PML: variants seen among roughly 807,000 people sequenced by gnomAD.
The protein encoded by PML is protein PML.
In PML, 28 loss-of-function variants were observed where a neutral mutation model predicts 65.2. The ratio of observed to expected loss-of-function variants is 0.43; its 90% CI spans 0.32 to 0.59. PML has a LOEUF of 0.59. Ranked by LOEUF, PML falls within the 20% of genes least tolerant of loss-of-function variation. PML has a pLI of 0.08. For synonymous variants in PML, 500 were observed against 508.8 expected (o/e 0.98, Z 0.23); for missense variants, 1,021 against 1,203.4 (o/e 0.85, Z 2.24).
In PML at chr15:74,023,209, G is replaced by T; in HGVS notation, c.984G>T (p.Thr328=). 2 of 1,608,988 alleles carry T rather than the reference G, an allele frequency of 1.2e-6. No homozygotes were observed. The part of the protein sequence containing the change: ...RLDAVLQRIR[T]GSALVQRMKC... ...ATGCTGTGCTGCAGCGCATCCGCACGGGCAGCGCGCTGGTGCAGAGGATGA... is the reference window on the plus strand; with the variant it reads ...ATGCTGTGCTGCAGCGCATCCGCACTGGCAGCGCGCTGGTGCAGAGGATGA... Residue 328 remains threonine, a synonymous_variant, in exon 3 of 9, where the codon ACG becomes ACT. Coordinates refer to ENST00000268058, the MANE Select transcript of PML (RefSeq NM_033238.3).
At position 74,045,122 on chromosome 15, in the gene PML, A is replaced by G. The variant is rs1382165514; in HGVS notation, c.*114A>G. On this transcript the variant is annotated 3_prime_UTR_variant, in exon 9 of 9. Coordinates refer to ENST00000268058, the MANE Select transcript of PML (RefSeq NM_033238.3). Reference sequence around the variant, plus strand: ...TCCTGGTACCCAGCCCTCAGTTGTCATTTGGTTCAGAATCAGTTCCCTTTC... The same window carrying G: ...TCCTGGTACCCAGCCCTCAGTTGTCGTTTGGTTCAGAATCAGTTCCCTTTC... The G allele has an allele frequency of 1.5e-5, 15 of 972,048 alleles. No individual in the cohort carries two copies. Among genetic ancestry groups the G allele is most frequent in the Non-Finnish European group, 2.2e-5 (15 of 668,666 alleles). The allele number at this position is 972,048 out of a possible 1,614,324, so 60.2% of individuals were successfully genotyped here.
At chr15:74,013,576 G>A (rs1053177675) in intron 2 of PML, among the ~76,000 whole-genome samples, 1 of 152,142 alleles carries the variant, frequency 6.6e-6, no homozygotes, top group African/African-American at 2.4e-5. Flanking sequence ...ATTTGGTTAT[G>A]TTCTGCCAAA....
chr15:73,998,355 C>A lies in PML; in HGVS notation c.481C>A (p.His161Asn). The A allele has an allele frequency of 6.2e-7, 1 of 1,614,220 alleles. No homozygotes were observed. Among genetic ancestry groups the A allele is most frequent in the Non-Finnish European group, 8.5e-7 (1 of 1,180,048 alleles). ...CFEAHQWFLK[H>N]EARPLAELRN... The stretch of plus-strand genomic sequence containing the variant: ...CGAGGCACACCAGTGGTTCCTCAAG[C>A]ACGAGGCCCGGCCCCTAGCAGAGCT... Residue 161 changes from histidine to asparagine, a missense_variant, in exon 2 of 9, where the codon CAC becomes AAC. By Grantham distance (68) the His-to-Asn change is moderately conservative. Coordinates refer to ENST00000268058, the MANE Select transcript of PML (RefSeq NM_033238.3).
Position 74,043,656 on chromosome 15 carries a change from A to C in PML, c.1861+517A>C. 1 of 507,136 alleles carries C rather than the reference A, an allele frequency of 2.0e-6. No homozygotes were observed. The highest frequency in any genetic ancestry group is 3.9e-6 in the Non-Finnish European group (1 of 259,102). The allele number at this position is 507,136 out of a possible 1,614,324, so 31.4% of individuals were successfully genotyped here. On this transcript the variant is annotated intron_variant, in intron 8 of 8. Coordinates refer to ENST00000268058, the MANE Select transcript of PML (RefSeq NM_033238.3). This position sits in a 1 kb window ranked among gnomAD's most constrained non-coding sequence, Gnocchi z 4.3. ...CTGCAAATGCCCCTCCTTGAGCCAGAGCCCCAGGCCCTACCCTGTGGCATG... is the reference window on the plus strand; with the variant it reads ...CTGCAAATGCCCCTCCTTGAGCCAGCGCCCCAGGCCCTACCCTGTGGCATG...
chr15:74,008,967 G>A (rs2070195022), intron 2 of PML, among the ~76,000 whole-genome samples: 1 of 152,188 alleles, frequency 6.6e-6, no homozygotes, highest in South Asian at 2.1e-4. Context: ...CTGAAGCAAA[G>A]AATCTGGACA....
At chr15:74,018,947 G>A (rs112212333) in intron 2 of PML, among the ~76,000 whole-genome samples, 7 of 152,328 alleles carry the variant, frequency 4.6e-5, no homozygotes, top group African/African-American at 1.4e-4. Flanking sequence ...TGCCAAGCAC[G>A]CAGCAGGTAC....
chr15:73,998,274 G>A lies in PML; in HGVS notation c.400G>A (p.Glu134Lys), dbSNP rs1567115705. 1 of 1,614,218 alleles carries A rather than the reference G, an allele frequency of 6.2e-7. No homozygotes were observed. Among genetic ancestry groups the A allele is most frequent in the Admixed American group, 1.7e-5 (1 of 60,030 alleles). ...GCAGGCTGTGTGCACCCGCTGCAAA[G>A]AGTCGGCCGACTTCTGGTGCTTTGA... ...DAQAVCTRCK[E>K]SADFWCFECE... The change falls in exon 2 of 9, where the codon GAG becomes AAG. Residue 134 changes from glutamate to lysine, a missense_variant. Transcript: ENST00000268058.
intron 2 of PML, among the ~76,000 whole-genome samples, chr15:74,007,822 C>T (rs1362093590): frequency 6.6e-6 from 1 of 152,166 alleles, no homozygotes; most frequent in Admixed American, 6.5e-5. Context: ...GGACATAGCC[C>T]CTCCTTGAGA....
In PML at chr15:74,044,681, C is replaced by T. The variant is rs759924933; in HGVS notation, c.2322C>T (p.Ser774=). The T allele has an allele frequency of 3.1e-6, 5 of 1,606,608 alleles. No individual in the cohort carries two copies. In the Admixed American group the frequency reaches 8.3e-5, roughly 27 times the overall value. The change falls in exon 9 of 9, where the codon AGC becomes AGT. Residue 774 remains serine (S), a synonymous_variant. Coordinates refer to ENST00000268058, the MANE Select transcript of PML (RefSeq NM_033238.3). ...CCCAGCATGTCTACCCCTTCAGTAG[C>T]CTGCAGTGCTTTGCCTCCCTGCAGC... ...QLAQHVYPFS[S]LQCFASLQPL...
chr15:74,033,617 T>A, intron 6 of PML: 1 of 714,288 alleles, frequency 1.4e-6, no homozygotes, highest in Non-Finnish European at 2.5e-6. Context: ...GATTGAGGTG[T>A]GGGGAGCCTG....
chr15:74,036,862 G>A (rs544250072), intron 7 of PML: 3 of 881,800 alleles, frequency 3.4e-6, no homozygotes, highest in East Asian at 1.2e-4. Context: ...TGCCATCACC[G>A]AGCACTGTCG....
intron 4 of PML, chr15:74,026,555 G>T (rs1319890205): frequency 6.6e-6 from 1 of 152,146 alleles, no homozygotes; most frequent in African/African-American, 2.4e-5. Context: ...ATATATGTGT[G>T]CATAATACAA....
At chr15:74,040,343 T>C (rs2071668222) in intron 7 of PML, among the ~76,000 whole-genome samples, 1 of 152,154 alleles carries the variant, frequency 6.6e-6, no homozygotes, top group East Asian at 1.9e-4. Flanking sequence ...GGCTCAAGGC[T>C]CTGTTTCCCA....
intron 2 of PML, among the ~76,000 whole-genome samples, chr15:74,017,902 A>G (rs1274069228): frequency 6.6e-6 from 1 of 152,052 alleles, no homozygotes; most frequent in Non-Finnish European, 1.5e-5. Context: ...TTTGGGGCCA[A>G]GGTGGAAGGA....
chr15:74,029,598 G>A (rs897084534), intron 4 of PML, among the ~76,000 whole-genome samples: 7 of 151,976 alleles, frequency 4.6e-5, no homozygotes, highest in African/African-American at 1.4e-4. Flanking sequence ...TACTCCAGCC[G>A]GAGCAACAAG....
chr15:74,043,915 T>C lies in PML; in HGVS notation c.1862-306T>C, dbSNP rs753248960. Among the ~76,000 whole-genome samples the C allele has an allele frequency of 4.6e-5, 7 of 152,114 alleles. No homozygotes were observed. Among genetic ancestry groups the C allele is most frequent in the Non-Finnish European group, 7.4e-5 (5 of 68,010 alleles). ...CTCTAGTATAGGTGGCTGAGGCTGA[T>C]AGAAGACAGGAGGGACCTGTATCCA... On this transcript the variant is annotated intron_variant, in intron 8 of 8. Transcript: ENST00000268058. This position sits in a 1 kb window ranked among gnomAD's most constrained non-coding sequence, Gnocchi z 4.3.
Position 74,034,600 on chromosome 15 carries a change from C to T in PML, c.1710+70C>T, listed in dbSNP as rs2141877156. 3 of 1,614,184 alleles carry T rather than the reference C, an allele frequency of 1.9e-6. No homozygotes were observed. The East Asian group carries it at 6.7e-5, about 36-fold the overall frequency. ...TTTCAGGTCCCAGGGGGCACAGCCA[C>T]AGCAGGTGACTCTCAGACTTGCCTT... On this transcript the variant is annotated intron_variant, in intron 7 of 8. Coordinates refer to ENST00000268058, the MANE Select transcript of PML (RefSeq NM_033238.3).
At chr15:74,032,404 G>A in intron 4 of PML, 168 bp from the exon 5 acceptor site, 2 of 693,222 alleles carry the variant, frequency 2.9e-6, no homozygotes, top group Admixed American at 2.7e-5. Context: ...GTGATGTGAT[G>A]GAGAGTTTGG....
chr15:74,013,422 GCTTGAGAATATCAGAAT>G (rs2070420640), intron 2 of PML, among the ~76,000 whole-genome samples: 3 of 152,204 alleles, frequency 2.0e-5, no homozygotes, highest in African/African-American at 7.2e-5. Flanking sequence ...TTATAAAAGT[GCTTGAGAATATCAGAAT>G]TATTTATGTC....
Sources: gnomAD v4.1 joint callset for allele counts (sites outside exome capture counted in the v4.1 genomes callset) on GRCh38, gnomAD v4.1.1 for gene constraint, Gnocchi (gnomAD v3.1) non-coding constraint, MANE v1.5 for transcripts, NCBI Gene and HGNC (gene_info 2026-07-23, HGNC 2026-07-21) for gene names.